Variants in SCN2A observed in about 807,000 individuals in gnomAD.
SCN2A encodes the protein sodium channel protein type 2 subunit alpha.
Under a neutral mutation model 188.7 loss-of-function variants are expected in SCN2A, and 20 were observed. The observed-to-expected ratio is 0.11, with a 90% confidence interval of 0.07 to 0.15. The LOEUF is 0.15. SCN2A is among the 10% of genes least tolerant of loss of function. The pLI, the probability that SCN2A is intolerant of heterozygous loss-of-function variation, is 1.00. For missense variants in SCN2A, 1,278 were observed against 2,445.0 expected (o/e 0.52, Z 10.07); for synonymous variants, 804 against 833.1 (o/e 0.97, Z 0.60).
intron 10 of SCN2A, 103 bp downstream of exon 10, chr2:165,314,211 A>T (rs1697602513): frequency 8.3e-7 from 1 of 1,199,530 alleles, no homozygotes; most frequent in African/African-American, 1.5e-5. Context: ...AATAGGTCAT[A>T]TGTGTTTGGT....
rs1045050862 is a variant in SCN2A at position 165,327,264 on chromosome 2, G to A, written c.2149+280G>A. The A allele has an allele frequency of 4.2e-5, 17 of 400,634 alleles. 1 individual carries two copies. Among genetic ancestry groups the A allele is most frequent in the Admixed American group, 1.5e-4 (4 of 27,260 alleles). The allele number at this position is 400,634 out of a possible 1,614,324, so 24.8% of individuals were successfully genotyped here. A position where few individuals can be genotyped will look rare whatever the true frequency, so the allele number is the denominator to read the frequency against. On this transcript the variant is annotated intron_variant, in intron 13 of 26. Transcript: ENST00000375437. ...AAACATTGAAACTTGTGTGCATGAC[G>A]TTGAAAAGAGTGTAATGATAAATGC...
intron 1 of SCN2A, among the ~76,000 whole-genome samples, chr2:165,282,266 C>A (rs536094313): frequency 6.6e-6 from 1 of 152,208 alleles, no homozygotes; most frequent in East Asian, 1.9e-4. Flanking sequence ...GTTGACCTTC[C>A]ACCAGTTTGG....
chr2:165,290,743 C>T (rs760165248), intron 1 of SCN2A: 22 of 983,618 alleles, frequency 2.2e-5, no homozygotes, highest in South Asian at 1.4e-4. Flanking sequence ...AAATATTGTG[C>T]GCTTGATTGC....
intron 1 of SCN2A, among the ~76,000 whole-genome samples, chr2:165,248,338 T>C (rs1693944709): frequency 6.6e-6 from 1 of 152,134 alleles, no homozygotes. Context: ...TGAATTTGTC[T>C]CCAGTTTTTC....
At chr2:165,294,386 G>C (rs181911958) in intron 1 of SCN2A, among the ~76,000 whole-genome samples, 42 of 152,220 alleles carry the variant, frequency 2.8e-4, no homozygotes, top group African/African-American at 9.9e-4. Flanking sequence ...AAAAATGAGG[G>C]ATGTTTTGGA....
At chr2:165,255,358 G>A (rs1694267766) in intron 1 of SCN2A, among the ~76,000 whole-genome samples, 1 of 151,788 alleles carries the variant, frequency 6.6e-6, no homozygotes, top group South Asian at 2.1e-4. Context: ...CCTTACATAA[G>A]ATAAAAATAT....
At chr2:165,332,551 T>C (rs930176139) in intron 14 of SCN2A, among the ~76,000 whole-genome samples, 1 of 152,008 alleles carries the variant, frequency 6.6e-6, no homozygotes, top group African/African-American at 2.4e-5. Flanking sequence ...ATGGAAGGTC[T>C]GAATGCTGTA....
At chr2:165,260,087 G>T (rs1694512402) in intron 1 of SCN2A, among the ~76,000 whole-genome samples, 1 of 151,866 alleles carries the variant, frequency 6.6e-6, no homozygotes, top group South Asian at 2.1e-4. Context: ...GGGACTACAG[G>T]CGCCCGCCAC....
Position 165,314,085 on chromosome 2 carries a change from A to G in SCN2A, c.1360A>G (p.Lys454Glu). The change falls in exon 10 of 27, where the codon AAA becomes GAA. Residue 454 changes from lysine to glutamate, a missense_variant. Physicochemically the swap from Lys to Glu is moderately conservative, Grantham distance 56. Coordinates refer to ENST00000375437, the MANE Select transcript of SCN2A (RefSeq NM_001040142.2). ...ATTTCAGCAGATGCTCGAACAGTTG[A>G]AAAAGCAACAAGAAGAAGCTCAGGT... The part of the protein sequence containing the change: ...AEFQQMLEQL[K>E]KQQEEAQAAA... The G allele has an allele frequency of 1.9e-6, 3 of 1,613,480 alleles. No individual in the cohort carries two copies. Among genetic ancestry groups the G allele is most frequent in the Non-Finnish European group, 1.7e-6 (2 of 1,179,632 alleles).
intron 8 of SCN2A, among the ~76,000 whole-genome samples, chr2:165,312,946 T>C (rs1189203681): frequency 6.6e-6 from 1 of 152,164 alleles, no homozygotes; most frequent in Non-Finnish European, 1.5e-5. Context: ...ATTCCAATGA[T>C]AAGTAAATCA....
At chr2:165,348,742 G>C (rs1037696875) in intron 16 of SCN2A, among the ~76,000 whole-genome samples, 7 of 152,168 alleles carry the variant, frequency 4.6e-5, no homozygotes, top group Non-Finnish European at 4.4e-5. Context: ...TGGAGGATCA[G>C]CTTCTAAGAA....
intron 1 of SCN2A, among the ~76,000 whole-genome samples, chr2:165,253,144 T>C (rs1012915084): frequency 2.0e-5 from 3 of 152,124 alleles, no homozygotes; most frequent in Non-Finnish European, 4.4e-5. Flanking sequence ...AGGGGGGTTC[T>C]TATTATTTCA....
At chr2:165,387,742 G>A (rs537495985) in intron 26 of SCN2A, among the ~76,000 whole-genome samples, 2 of 152,158 alleles carry the variant, frequency 1.3e-5, no homozygotes, top group East Asian at 1.9e-4. Context: ...CCTATTTGGG[G>A]AAACAGAACA....
At chr2:165,308,542 CTA>C in intron 4 of SCN2A, 122 bp from the exon 5 acceptor site, 1 of 920,256 alleles carries the variant, frequency 1.1e-6, no homozygotes. Context: ...CACCTAAACT[CTA>C]TATCGTAGGG....
At chr2:165,288,245 A>G (rs1241439244) in intron 1 of SCN2A, among the ~76,000 whole-genome samples, 1 of 152,196 alleles carries the variant, frequency 6.6e-6, no homozygotes, top group Non-Finnish European at 1.5e-5. Flanking sequence ...AGAAAAATCC[A>G]GATTCAGTGA....
chr2:165,242,156 C>T (rs1693652691), intron 1 of SCN2A, among the ~76,000 whole-genome samples: 1 of 151,970 alleles, frequency 6.6e-6, no homozygotes, highest in Non-Finnish European at 1.5e-5. Flanking sequence ...AGGAGCTGAA[C>T]ATGTTATATC....
At chr2:165,336,019 G>T (rs1312135003) in intron 14 of SCN2A, among the ~76,000 whole-genome samples, 1 of 151,842 alleles carries the variant, frequency 6.6e-6, no homozygotes, top group Non-Finnish European at 1.5e-5. Flanking sequence ...GCTAATTTTA[G>T]GGGAAAGGCA....
chr2:165,342,418 A>T lies in SCN2A; in HGVS notation c.2511A>T (p.Glu837Asp). Reference protein sequence around the residue: ...DGFIVSLSLMELGLANVEGLS... With the variant: ...DGFIVSLSLMDLGLANVEGLS... Reference sequence around the variant, plus strand: ...TTATTGTGAGCCTTAGTTTAATGGAACTTGGTTTGGCAAATGTGGAAGGAT... The same window carrying T: ...TTATTGTGAGCCTTAGTTTAATGGATCTTGGTTTGGCAAATGTGGAAGGAT... Residue 837 changes from glutamate (E) to aspartate (D), a missense_variant, in exon 15 of 27, where the codon GAA becomes GAT. Around this residue, in one of 17 missense-constraint regions of SCN2A, gnomAD observed 83 missense variants for 256.8 expected, o/e 0.32. Transcript: ENST00000375437. 1.9e-6 allele frequency: 3 copies of T among 1,614,056 alleles called. No individual in the cohort carries two copies. Among genetic ancestry groups the T allele is most frequent in the Non-Finnish European group, 2.5e-6 (3 of 1,179,974 alleles).
chr2:165,242,563 T>C (rs1478315613), intron 1 of SCN2A, among the ~76,000 whole-genome samples: 1 of 152,138 alleles, frequency 6.6e-6, no homozygotes, highest in African/African-American at 2.4e-5. Context: ...CTCTGAGGAC[T>C]AAATTGGACA....
Sources: gnomAD v4.1 joint callset for allele counts (sites outside exome capture counted in the v4.1 genomes callset) on GRCh38, gnomAD v4.1.1 for gene constraint, gnomAD v4.1.1 regional missense constraint, MANE v1.5 for transcripts, NCBI Gene and HGNC (gene_info 2026-07-23, HGNC 2026-07-21) for gene names.